The following TAF4B variants were observed in gnomAD, a reference collection of about 807,000 sequenced individuals.
The protein encoded by TAF4B is TATA-box binding protein associated factor 4b.
Under a neutral mutation model 86.4 loss-of-function variants are expected in TAF4B, and 38 were observed. That is an observed-to-expected ratio of 0.44 (90% confidence interval 0.34 to 0.58). The LOEUF (loss-of-function observed/expected upper bound fraction) is 0.58. Ranked by LOEUF, TAF4B falls within the 20% of genes least tolerant of loss-of-function variation. The probability of loss-of-function intolerance (pLI) is 0.02; values close to 1 mark genes in which losing one functional copy is unlikely to be tolerated. For synonymous variants in TAF4B, 388 were observed against 391.2 expected (o/e 0.99, Z 0.10); for missense variants, 988 against 1,027.6 (o/e 0.96, Z 0.53).
chr18:26,374,554 G>A (rs1475803621), intron 14 of TAF4B, among the ~76,000 whole-genome samples: 1 of 152,204 alleles, frequency 6.6e-6, no homozygotes, highest in Non-Finnish European at 1.5e-5. Context: ...TCAGGTCTTA[G>A]AGGGTTTTCC....
At chr18:26,349,957 A>G (rs2057231308) in intron 13 of TAF4B, among the ~76,000 whole-genome samples, 1 of 152,212 alleles carries the variant, frequency 6.6e-6, no homozygotes, top group Non-Finnish European at 1.5e-5. Context: ...AACATATACC[A>G]GGGAAAGCAT....
At position 26,357,772 on chromosome 18, in the gene TAF4B, G is replaced by A; in HGVS notation, c.2399G>A (p.Arg800Lys). The change falls in exon 14 of 15, where the codon AGA (arginine) becomes AAA (lysine). Residue 800 changes from arginine (R) to lysine (K), a missense_variant. Transcript: ENST00000269142. ...GCAGCTATTGGACCAAGGAAGAAGAGACCACTAGAATCTGGAATTGAGGTA... is the reference window on the plus strand; with the variant it reads ...GCAGCTATTGGACCAAGGAAGAAGAAACCACTAGAATCTGGAATTGAGGTA... The part of the protein sequence containing the change: ...ALAAIGPRKK[R>K]PLESGIEGLK... 1 of 1,611,068 alleles carries A rather than the reference G, an allele frequency of 6.2e-7. No homozygotes were observed. The highest frequency in any genetic ancestry group is 2.2e-5 in the East Asian group (1 of 44,800).
intron 10 of TAF4B, among the ~76,000 whole-genome samples, chr18:26,318,523 G>C (rs1288829166): frequency 2.0e-5 from 3 of 152,036 alleles, no homozygotes; most frequent in Non-Finnish European, 4.4e-5. Flanking sequence ...TTGGAAAAAG[G>C]ATTTTTCTAC....
chr18:26,254,222 C>T (rs988852818), intron 1 of TAF4B, among the ~76,000 whole-genome samples: 1 of 152,132 alleles, frequency 6.6e-6, no homozygotes, highest in Admixed American at 6.5e-5. Context: ...GCCACCATGC[C>T]TGGCCTCACA....
intron 11 of TAF4B, among the ~76,000 whole-genome samples, chr18:26,322,462 A>G (rs994592777): frequency 3.3e-5 from 5 of 152,100 alleles, no homozygotes; most frequent in African/African-American, 1.2e-4. Flanking sequence ...ACAAAAATAA[A>G]TAAAGATATT....
At chr18:26,272,736 ATAGAC>A (rs1295423966) in intron 3 of TAF4B, among the ~76,000 whole-genome samples, 1 of 152,182 alleles carries the variant, frequency 6.6e-6, no homozygotes, top group Non-Finnish European at 1.5e-5. Context: ...TGATTATAAG[ATAGAC>A]TAAAGAAAGA....
At chr18:26,379,745 A>G (rs2057465607) in intron 14 of TAF4B, among the ~76,000 whole-genome samples, 1 of 152,102 alleles carries the variant, frequency 6.6e-6, no homozygotes, top group African/African-American at 2.4e-5. Flanking sequence ...ATTCTTTATT[A>G]GGATGGCATT....
At chr18:26,284,556 A>G (rs960869209) in intron 6 of TAF4B, among the ~76,000 whole-genome samples, 1 of 152,208 alleles carries the variant, frequency 6.6e-6, no homozygotes, top group Non-Finnish European at 1.5e-5. Flanking sequence ...CTCTTTAAGT[A>G]GGATACAAAG....
chr18:26,323,616 T>C (rs917381153), intron 11 of TAF4B, among the ~76,000 whole-genome samples: 2 of 152,114 alleles, frequency 1.3e-5, no homozygotes, highest in African/African-American at 4.8e-5. Flanking sequence ...AATGTTTGTT[T>C]GCTTCATATA....
intron 14 of TAF4B, among the ~76,000 whole-genome samples, chr18:26,359,901 A>G (rs1210170093): frequency 6.8e-6 from 1 of 147,244 alleles, no homozygotes; most frequent in African/African-American, 2.5e-5. Context: ...TTTTTTTGGT[A>G]GAGACGGAGT....
intron 2 of TAF4B, chr18:26,266,855 C>CT (rs2056247264): frequency 2.0e-5 from 3 of 149,560 alleles, no homozygotes; most frequent in Admixed American, 1.3e-4. Context: ...GAGCGAGACT[C>CT]TGTCTCAAAA....
intron 13 of TAF4B, among the ~76,000 whole-genome samples, chr18:26,343,751 A>T (rs766900577): frequency 3.3e-5 from 5 of 152,200 alleles, no homozygotes; most frequent in African/African-American, 4.8e-5. Flanking sequence ...CTGACTTTTC[A>T]TATACACGAG....
At chr18:26,385,224 T>C (rs1486138181) in intron 14 of TAF4B, among the ~76,000 whole-genome samples, 1 of 152,232 alleles carries the variant, frequency 6.6e-6, no homozygotes, top group East Asian at 1.9e-4. Context: ...AGTTGAGGGA[T>C]AAAAATTGGA....
At chr18:26,290,517 C>T (rs1048338160) in intron 7 of TAF4B, among the ~76,000 whole-genome samples, 1 of 152,138 alleles carries the variant, frequency 6.6e-6, no homozygotes, top group African/African-American at 2.4e-5. Flanking sequence ...TAGGCAGTTG[C>T]TGAGCAGATG....
chr18:26,376,600 A>G (rs2057444807), intron 14 of TAF4B, among the ~76,000 whole-genome samples: 1 of 150,854 alleles, frequency 6.6e-6, no homozygotes. Context: ...GGGATTTTCT[A>G]TATACAAGAT....
intron 7 of TAF4B, among the ~76,000 whole-genome samples, chr18:26,287,552 T>C (rs1447249939): frequency 6.6e-6 from 1 of 152,216 alleles, no homozygotes; most frequent in Admixed American, 6.5e-5. Context: ...AAAGTATTGT[T>C]AACTCATGGG....
chr18:26,370,004 G>A (rs1482177698), intron 14 of TAF4B, among the ~76,000 whole-genome samples: 3 of 152,148 alleles, frequency 2.0e-5, no homozygotes, highest in Non-Finnish European at 4.4e-5. Flanking sequence ...GGCATACAGT[G>A]GCAAAACTTG....
intron 14 of TAF4B, among the ~76,000 whole-genome samples, chr18:26,379,474 A>C (rs2057463727): frequency 6.6e-6 from 1 of 152,044 alleles, no homozygotes; most frequent in African/African-American, 2.4e-5. Context: ...CCATTGCATC[A>C]CCTTATAGCT....
chr18:26,383,510 T>A (rs1978303226), intron 14 of TAF4B, among the ~76,000 whole-genome samples: 1 of 152,198 alleles, frequency 6.6e-6, no homozygotes. Flanking sequence ...TTGAAACATG[T>A]AGAATTTGGG....
Sources: allele counts gnomAD v4.1 joint callset (sites outside exome capture counted in the v4.1 genomes callset), GRCh38; gene constraint gnomAD v4.1.1; transcripts MANE v1.5; gene names NCBI Gene and HGNC (gene_info 2026-07-23, HGNC 2026-07-21).